SVIL: variants seen among roughly 807,000 people sequenced by gnomAD.
The protein encoded by SVIL is supervillin.
SVIL carries 101 observed loss-of-function variants against 240.4 expected under a neutral mutation model. The observed-to-expected ratio is 0.42, with a 90% CI of 0.36 to 0.50. The LOEUF (loss-of-function observed/expected upper bound fraction) is 0.50, where lower values mean the gene tolerates loss of function less well. Among genes scored for constraint, SVIL ranks in the 20% least tolerant of loss-of-function variants. The probability of loss-of-function intolerance (pLI) is 0.01; values close to 1 mark genes in which losing one functional copy is unlikely to be tolerated. For missense variants in SVIL, 2,512 were observed against 2,818.7 expected, an observed-to-expected ratio of 0.89 and a Z score of 2.46; for synonymous variants, 999 against 1,100.0, an observed-to-expected ratio of 0.91 and a Z score of 1.82.
chr10:29,657,927 T>C (rs368302816), intron 3 of SVIL: 14 of 152,324 alleles, frequency 9.2e-5, no homozygotes, highest in African/African-American at 2.9e-4. Flanking sequence ...GCCAATAATG[T>C]GTTAACCACA....
chr10:29,521,238 A>G (rs907201822), intron 16 of SVIL, among the ~76,000 whole-genome samples: 3 of 151,828 alleles, frequency 2.0e-5, no homozygotes, highest in African/African-American at 4.8e-5. Context: ...GAAAAAAAAA[A>G]AAAAAAGGAA....
intron 1 of SVIL, among the ~76,000 whole-genome samples, chr10:29,592,943 A>G (rs1392795240): frequency 6.6e-6 from 1 of 152,222 alleles, no homozygotes; most frequent in Non-Finnish European, 1.5e-5. Flanking sequence ...ATTTAAAGGA[A>G]AAAAAGTCTC....
At position 29,634,875 on chromosome 10, in the gene SVIL, C is replaced by A. The variant is rs970725129; in HGVS notation, c.-656G>T. 1 of 152,180 alleles carries A rather than the reference C, an allele frequency of 6.6e-6. No homozygotes were observed. Among genetic ancestry groups the A allele is most frequent in the African/African-American group, 2.4e-5 (1 of 41,436 alleles). The allele number at this position is 152,180 out of a possible 1,614,324, so 9.4% of individuals were successfully genotyped here. A position where few individuals can be genotyped will look rare whatever the true frequency, so the allele number is the denominator to read the frequency against. ...GTCCCCTAGTGTCCTCGAGGCTGAA[C>A]TTCCCCAACCTGGCCTCGGTGGAGC... On this transcript the variant is annotated 5_prime_UTR_variant, in exon 1 of 38. Transcript: ENST00000355867.
intron 7 of SVIL, 52 bp downstream of exon 7, chr10:29,535,937 G>A (rs1179905270): frequency 4.4e-6 from 7 of 1,574,808 alleles, no homozygotes; most frequent in Non-Finnish European, 6.1e-6. Flanking sequence ...TGGTCAGGCA[G>A]GAGGAAGCAA....
At chr10:29,621,841 CACAT>C (rs137951502) in intron 1 of SVIL, among the ~76,000 whole-genome samples, 19,691 of 152,058 alleles carry the variant, frequency 0.13, 1,383 homozygotes, top group Middle Eastern at 0.2. Context: ...CACGCACACA[CACAT>C]ACAAACACAC....
chr10:29,524,404 G>A (rs1400642034), intron 14 of SVIL, 68 bp downstream of exon 14: 3 of 1,595,326 alleles, frequency 1.9e-6, no homozygotes, highest in African/African-American at 1.3e-5. Context: ...TGACCTCAGA[G>A]GAATACTGCA....
chr10:29,618,422 C>T (rs1957507004), intron 1 of SVIL, among the ~76,000 whole-genome samples: 1 of 152,156 alleles, frequency 6.6e-6, no homozygotes, highest in African/African-American at 2.4e-5. Context: ...GCCTCTGGGG[C>T]TTCAGGTAGG....
rs1415765631 is a variant in SVIL at position 29,530,590 on chromosome 10, A to G, written c.2106+17T>C. 1.2e-6 allele frequency: 2 copies of G among 1,613,888 alleles called. No individual in the cohort carries two copies. Among genetic ancestry groups the G allele is most frequent in the Non-Finnish European group, 8.5e-7 (1 of 1,179,940 alleles). ...ACCCAGTAGGGATCTCTATTCAAGC[A>G]CGTCAGCACAGCTTACCCTGAAAAG... On this transcript the variant is annotated intron_variant, in intron 11 of 37. Coordinates refer to ENST00000355867, the MANE Select transcript of SVIL (RefSeq NM_021738.3).
At chr10:29,640,327 C>G (rs1958444109) in intron 3 of SVIL, among the ~76,000 whole-genome samples, 1 of 152,124 alleles carries the variant, frequency 6.6e-6, no homozygotes, top group Non-Finnish European at 1.5e-5. Flanking sequence ...TAAAATGTCT[C>G]CAACACTCCT....
Position 29,470,239 on chromosome 10 carries a change from G to A in SVIL, c.5843+37C>T, listed in dbSNP as rs755348162. ...CCTGCCCCGTCCCTCTGGGAAGCCC[G>A]GTGTGTGGGGGGACTCGCCGCAGAC... On this transcript the variant is annotated intron_variant, in intron 32 of 37. Transcript: ENST00000355867. 72 of 1,586,956 alleles carry A rather than the reference G, an allele frequency of 4.5e-5. No individual in the cohort carries two copies. In the South Asian group the frequency reaches 6.5e-4, roughly 14 times the overall value.
chr10:29,591,042 C>T (rs2132803311), intron 1 of SVIL, among the ~76,000 whole-genome samples: 1 of 152,304 alleles, frequency 6.6e-6, no homozygotes, highest in Admixed American at 6.5e-5. Flanking sequence ...TATGGAGCAC[C>T]CAAGAGGCCA....
intron 1 of SVIL, among the ~76,000 whole-genome samples, chr10:29,724,181 CTT>C (rs386371080): frequency 1.4e-5 from 2 of 144,526 alleles, no homozygotes; most frequent in Admixed American, 6.9e-5. Context: ...TGTTTTCTCT[CTT>C]TTTTTTTTTT....
At chr10:29,556,188 G>A (rs74129715) in intron 3 of SVIL, among the ~76,000 whole-genome samples, 20 of 152,228 alleles carry the variant, frequency 1.3e-4, no homozygotes, top group African/African-American at 4.8e-4. Context: ...GAGAATAAAG[G>A]TCTCTCTTTT....
At chr10:29,691,104 T>A (rs1359089357) in intron 1 of SVIL, among the ~76,000 whole-genome samples, 1 of 152,118 alleles carries the variant, frequency 6.6e-6, no homozygotes, top group African/African-American at 2.4e-5. Context: ...AAAACTGCAA[T>A]GTTCTATAGT....
chr10:29,607,755 A>G (rs1164966022), intron 1 of SVIL, among the ~76,000 whole-genome samples: 1 of 152,218 alleles, frequency 6.6e-6, no homozygotes, highest in Non-Finnish European at 1.5e-5. Context: ...CAAGCAGGGC[A>G]CATCCCTGAG....
At chr10:29,511,770 AAGAAGACAC>A (rs1267896921) in intron 17 of SVIL, among the ~76,000 whole-genome samples, 2 of 152,224 alleles carry the variant, frequency 1.3e-5, no homozygotes, top group Non-Finnish European at 2.9e-5. Context: ...AGTGAAACCT[AAGAAGACAC>A]AGAAGTATCA....
chr10:29,627,850 T>TA (rs1198457869), intron 1 of SVIL, among the ~76,000 whole-genome samples: 8 of 152,156 alleles, frequency 5.3e-5, no homozygotes, highest in Non-Finnish European at 1.0e-4. Context: ...GCACTTCCAA[T>TA]AAAAAATGTA....
chr10:29,532,419 G>T, intron 8 of SVIL, 110 bp downstream of exon 8: 1 of 1,465,282 alleles, frequency 6.8e-7, no homozygotes, highest in Non-Finnish European at 9.0e-7. Context: ...ACGCACTTGT[G>T]AGCTAAGCTA....
At chr10:29,640,635 C>A (rs1958453250) in intron 3 of SVIL, among the ~76,000 whole-genome samples, 1 of 152,206 alleles carries the variant, frequency 6.6e-6, no homozygotes, top group Non-Finnish European at 1.5e-5. Flanking sequence ...GGTTTCCTAC[C>A]TGACCGCAAC....
Sources: allele counts gnomAD v4.1 joint callset (sites outside exome capture counted in the v4.1 genomes callset), GRCh38; gene constraint gnomAD v4.1.1; transcripts MANE v1.5; gene names NCBI Gene and HGNC (gene_info 2026-07-23, HGNC 2026-07-21).